The following UNC5C variants were observed in gnomAD, a reference collection of about 807,000 sequenced individuals.
The protein encoded by UNC5C is netrin receptor UNC5C.
UNC5C carries 47 observed loss-of-function variants against 99.8 expected under a neutral mutation model. The observed-to-expected ratio is 0.47, with a 90% confidence interval of 0.37 to 0.60. UNC5C has a LOEUF of 0.60. UNC5C is among the 20% of genes least tolerant of loss of function. UNC5C has a pLI of 0.00. For synonymous variants in UNC5C, 487 were observed against 452.2 expected, an observed-to-expected ratio of 1.08 and a Z score of -0.98; for missense variants, 1,062 against 1,165.9, an observed-to-expected ratio of 0.91 and a Z score of 1.30.
chr4:95,465,773 G>T (rs974034345), intron 1 of UNC5C, among the ~76,000 whole-genome samples: 2 of 152,126 alleles, frequency 1.3e-5, no homozygotes, highest in African/African-American at 4.8e-5. Context: ...GTTTGGATTT[G>T]CACATGCTAT....
intron 4 of UNC5C, among the ~76,000 whole-genome samples, chr4:95,261,044 G>A (rs1233695079): frequency 6.6e-6 from 1 of 152,138 alleles, no homozygotes; most frequent in Non-Finnish European, 1.5e-5. Flanking sequence ...GACCGCCTGA[G>A]CTCTGGACTC....
rs545975734 is a variant in UNC5C at position 95,352,770 on chromosome 4, C to T, written c.125-17139G>A. Among the ~76,000 whole-genome samples, 3 of 152,262 alleles carry T rather than the reference C, an allele frequency of 2.0e-5. No individual in the cohort carries two copies. In the South Asian group the frequency reaches 6.2e-4, roughly 32 times the overall value. ...TTCACTCACCCTCAACTCCTATTCT[C>T]CTTTTCATCACCAGGACTCAAGTTG... is the stretch of plus-strand genomic sequence containing the variant. On this transcript the variant is annotated intron_variant, in intron 1 of 15. Transcript: ENST00000453304.
At chr4:95,296,080 T>C (rs1002014084) in intron 3 of UNC5C, among the ~76,000 whole-genome samples, 20 of 152,124 alleles carry the variant, frequency 1.3e-4, no homozygotes, top group African/African-American at 4.8e-4. Flanking sequence ...GGCAAGACTT[T>C]CTCTCAAAAA....
At chr4:95,308,751 C>CGAAAAAAAAAAA (rs1742152529) in intron 2 of UNC5C, among the ~76,000 whole-genome samples, 1 of 34,396 alleles carries the variant, frequency 2.9e-5, no homozygotes, top group Non-Finnish European at 5.0e-5. Flanking sequence ...GACTCTGTCT[C>CGAAAAAAAAAAA]AAAAAAAAAA....
chr4:95,224,191 G>T (rs1738584286), intron 7 of UNC5C, among the ~76,000 whole-genome samples: 1 of 152,220 alleles, frequency 6.6e-6, no homozygotes, highest in Non-Finnish European at 1.5e-5. Context: ...GCTGAGGTGG[G>T]AGCATCACTT....
At chr4:95,301,018 A>C (rs889994755) in intron 3 of UNC5C, among the ~76,000 whole-genome samples, 1 of 152,234 alleles carries the variant, frequency 6.6e-6, no homozygotes, top group African/African-American at 2.4e-5. Context: ...TGATGTGATT[A>C]TTAGGCATTG....
At chr4:95,172,388 C>G (rs1736157051) in intron 14 of UNC5C, among the ~76,000 whole-genome samples, 1 of 151,336 alleles carries the variant, frequency 6.6e-6, no homozygotes, top group Non-Finnish European at 1.5e-5. Context: ...ACGTTTATGT[C>G]TTTAATCCAT....
At chr4:95,391,407 G>A (rs1745355356) in intron 1 of UNC5C, among the ~76,000 whole-genome samples, 2 of 151,962 alleles carry the variant, frequency 1.3e-5, no homozygotes, top group Admixed American at 6.6e-5. Context: ...GAAGAGCCTA[G>A]GACTACAACT....
At position 95,169,005 on chromosome 4, in the gene UNC5C, T is replaced by C. The variant is rs1472529312; in HGVS notation, c.*229A>G. 1 of 528,794 alleles carries C rather than the reference T, an allele frequency of 1.9e-6. No individual in the cohort carries two copies. The highest frequency in any genetic ancestry group is 3.1e-5 in the East Asian group (1 of 32,608). The allele number at this position is 528,794 out of a possible 1,614,324, so 32.8% of individuals were successfully genotyped here. ...CTAAGAGGAAAATTAGGTTGATAGC[T>C]AAATTCAAGGTACAAATTTACACAA... On this transcript the variant is annotated 3_prime_UTR_variant, in exon 16 of 16. Coordinates refer to ENST00000453304, the MANE Select transcript of UNC5C (RefSeq NM_003728.4).
chr4:95,317,021 G>A (rs1315392167), intron 2 of UNC5C, among the ~76,000 whole-genome samples: 10 of 147,796 alleles, frequency 6.8e-5, no homozygotes, highest in African/African-American at 2.2e-4. Context: ...AAAAAAAAAA[G>A]CAAAAATAAA....
chr4:95,411,637 C>G (rs550206871), intron 1 of UNC5C, among the ~76,000 whole-genome samples: 53 of 152,306 alleles, frequency 3.5e-4, no homozygotes, highest in African/African-American at 1.0e-3. Context: ...GCAGTACAAA[C>G]TTGCATTTCA....
At chr4:95,276,843 ACT>A (rs1202684513) in intron 4 of UNC5C, among the ~76,000 whole-genome samples, 3 of 152,024 alleles carry the variant, frequency 2.0e-5, no homozygotes, top group Admixed American at 2.0e-4. Context: ...CAAAAAAATA[ACT>A]CTCTTTCAAA....
intron 1 of UNC5C, among the ~76,000 whole-genome samples, chr4:95,531,197 T>A (rs895114325): frequency 3.3e-5 from 5 of 152,218 alleles, no homozygotes; most frequent in Admixed American, 6.5e-5. Context: ...TCAAGCCAGT[T>A]TTTCCTTAAA....
chr4:95,542,390 A>C (rs1395896672), intron 1 of UNC5C, among the ~76,000 whole-genome samples: 1 of 152,144 alleles, frequency 6.6e-6, no homozygotes, highest in Non-Finnish European at 1.5e-5. Flanking sequence ...ATCACTGCTC[A>C]TTGCTAATAA....
chr4:95,236,334 C>T (rs749450160), intron 7 of UNC5C, among the ~76,000 whole-genome samples: 47 of 150,076 alleles, frequency 3.1e-4, no homozygotes, highest in Non-Finnish European at 5.9e-4. Flanking sequence ...ATCGCAAGGA[C>T]AAAAAACCAA....
At chr4:95,187,571 T>G (rs1736883326) in intron 12 of UNC5C, among the ~76,000 whole-genome samples, 1 of 151,152 alleles carries the variant, frequency 6.6e-6, no homozygotes, top group Admixed American at 6.6e-5. Context: ...TCAGGAAATC[T>G]AACACGGCAT....
intron 1 of UNC5C, among the ~76,000 whole-genome samples, chr4:95,394,755 G>A (rs1476501065): frequency 6.7e-6 from 1 of 150,340 alleles, no homozygotes; most frequent in African/African-American, 2.5e-5. Context: ...AGTATGCTTT[G>A]CTGCAAGACA....
At chr4:95,422,429 T>C (rs2149456699) in intron 1 of UNC5C, among the ~76,000 whole-genome samples, 1 of 152,310 alleles carries the variant, frequency 6.6e-6, no homozygotes, top group African/African-American at 2.4e-5. Context: ...TTTTCTAAAA[T>C]GAGAATGCTT....
intron 1 of UNC5C, among the ~76,000 whole-genome samples, chr4:95,413,607 T>C (rs1051898181): frequency 1.3e-5 from 2 of 152,230 alleles, no homozygotes; most frequent in Non-Finnish European, 2.9e-5. Flanking sequence ...AATGAAGGTT[T>C]GAAAGCTACA....
Sources: gnomAD v4.1 joint callset for allele counts (sites outside exome capture counted in the v4.1 genomes callset) on GRCh38, gnomAD v4.1.1 for gene constraint, MANE v1.5 for transcripts, NCBI Gene and HGNC (gene_info 2026-07-23, HGNC 2026-07-21) for gene names.